The following SLC17A1 variants were observed in gnomAD, a reference collection of about 807,000 sequenced individuals.
The protein encoded by SLC17A1 is sodium-dependent phosphate transport protein 1.
In SLC17A1, 51 loss-of-function variants were observed where a neutral mutation model predicts 53.5. That is an observed-to-expected ratio of 0.95 (90% confidence interval 0.76 to 1.20). The LOEUF is 1.20. Ranked by LOEUF, SLC17A1 falls within the 50% of genes most tolerant of loss-of-function variation. The probability of loss-of-function intolerance (pLI) is 0.00; values close to 1 mark genes in which losing one functional copy is unlikely to be tolerated. For synonymous variants in SLC17A1, 179 were observed against 198.8 expected, an observed-to-expected ratio of 0.90 and a Z score of 0.84; for missense variants, 538 against 568.2, an observed-to-expected ratio of 0.95 and a Z score of 0.54.
intron 12 of SLC17A1, among the ~76,000 whole-genome samples, chr6:25,783,985 C>T: frequency 1.2e-5 from 1 of 84,742 alleles, no homozygotes; most frequent in South Asian, 5.4e-4. Flanking sequence ...GGGGGAGTGG[C>T]CAAGGTTCTA....
At chr6:25,737,619 C>T in the SLC17A1 span, among the ~76,000 whole-genome samples, 12 of 152,026 alleles carry the variant, frequency 7.9e-5, no homozygotes, top group Non-Finnish European at 1.5e-4. Context: ...GTGGTTACAA[C>T]TGCTATTACA....
chr6:25,818,497 A>T (rs1484091920), intron 6 of SLC17A1, among the ~76,000 whole-genome samples: 1 of 152,206 alleles, frequency 6.6e-6, no homozygotes, highest in Non-Finnish European at 1.5e-5. Context: ...ACTTTGATCA[A>T]GTTACCTAAG....
chr6:25,745,311 G>A, the SLC17A1 span, among the ~76,000 whole-genome samples: 1 of 152,076 alleles, frequency 6.6e-6, no homozygotes, highest in African/African-American at 2.4e-5. Flanking sequence ...TGGTACCATG[G>A]ATTTTATTAA....
chr6:25,725,018 A>AGTTT, the SLC17A1 span, among the ~76,000 whole-genome samples: 37,239 of 141,746 alleles, frequency 0.26, 5,916 homozygotes, highest in East Asian at 0.66. Context: ...TAACCAAATG[A>AGTTT]TTTTTTTTTT....
chr6:25,799,448 G>A (rs1165213), intron 11 of SLC17A1, among the ~76,000 whole-genome samples: 100,547 of 151,826 alleles, frequency 0.66, 35,010 homozygotes, highest in African/African-American at 0.87. Context: ...CTGGTTTATA[G>A]AAGTTAACTA....
chr6:25,777,867 T>G, the SLC17A1 span: 1 of 1,417,262 alleles, frequency 7.1e-7, no homozygotes, highest in Non-Finnish European at 9.9e-7. Flanking sequence ...CTCCCGGGTA[T>G]TGAGACTTTC....
chr6:25,738,712 A>G, the SLC17A1 span, among the ~76,000 whole-genome samples: 13 of 152,222 alleles, frequency 8.5e-5, no homozygotes, highest in African/African-American at 2.9e-4. Context: ...ATCCCAGTAA[A>G]AAATGAACAA....
intron 12 of SLC17A1, among the ~76,000 whole-genome samples, chr6:25,786,223 A>C (rs1268416544): frequency 3.3e-5 from 5 of 152,268 alleles, no homozygotes; most frequent in African/African-American, 1.2e-4. Flanking sequence ...TCAGTCACAG[A>C]CATATTATGT....
chr6:25,763,227 T>A, the SLC17A1 span, among the ~76,000 whole-genome samples: 1 of 152,348 alleles, frequency 6.6e-6, no homozygotes, highest in African/African-American at 2.4e-5. Flanking sequence ...CACTCCAGGC[T>A]ATAGCTGTAT....
chr6:25,789,687 T>G (rs1763459574), intron 12 of SLC17A1, among the ~76,000 whole-genome samples: 1 of 152,158 alleles, frequency 6.6e-6, no homozygotes, highest in Non-Finnish European at 1.5e-5. Flanking sequence ...ACTGGGGAAC[T>G]TCTACAAAAT....
At chr6:25,748,533 G>C in the SLC17A1 span, among the ~76,000 whole-genome samples, 1 of 152,146 alleles carries the variant, frequency 6.6e-6, no homozygotes, top group South Asian at 2.1e-4. Flanking sequence ...CGTCAGGTGG[G>C]ACGAGAGACT....
intron 2 of SLC17A1, among the ~76,000 whole-genome samples, chr6:25,830,011 A>G (rs540952227): frequency 2.6e-5 from 4 of 152,204 alleles, no homozygotes; most frequent in Non-Finnish European, 5.9e-5. Flanking sequence ...AAAGTATACA[A>G]TCTATCGCTC....
Position 25,799,268 on chromosome 6 carries a change from TATAG to T in SLC17A1, c.1270-353_1270-350del, listed in dbSNP as rs1263469611. Among the ~76,000 whole-genome samples the T allele has an allele frequency of 3.3e-5, 5 of 152,328 alleles. No homozygotes were observed. In the East Asian group the frequency reaches 5.8e-4, roughly 18 times the overall value. On this transcript the variant is annotated intron_variant, in intron 11 of 12. Coordinates refer to ENST00000244527, the MANE Select transcript of SLC17A1 (RefSeq NM_005074.5). ...CATATTATTGTATCCTGTAAGCTTA[TATAG>T]ATAAAGAGTGTCTTCATATTTTAAT...
chr6:25,726,378 CA>C, the SLC17A1 span: 1 of 1,614,170 alleles, frequency 6.2e-7, no homozygotes, highest in South Asian at 1.1e-5. Context: ...CCGCCAAATA[CA>C]CTGGTGCGCC....
chr6:25,742,263 A>G, the SLC17A1 span, among the ~76,000 whole-genome samples: 1 of 152,200 alleles, frequency 6.6e-6, no homozygotes, highest in Non-Finnish European at 1.5e-5. Context: ...GTATTGACCA[A>G]TCAGAACTAA....
At chr6:25,746,726 T>C in the SLC17A1 span, among the ~76,000 whole-genome samples, 87 of 152,304 alleles carry the variant, frequency 5.7e-4, no homozygotes, top group Non-Finnish European at 8.1e-4. Flanking sequence ...AGTCCTAGTA[T>C]AATAGCTAGC....
chr6:25,734,059 G>A, the SLC17A1 span, among the ~76,000 whole-genome samples: 4 of 151,918 alleles, frequency 2.6e-5, no homozygotes, highest in Non-Finnish European at 5.9e-5. Flanking sequence ...CAGTTGATCC[G>A]CCCACCTGAG....
At chr6:25,828,447 A>G (rs575142929) in intron 2 of SLC17A1, among the ~76,000 whole-genome samples, 1 of 152,246 alleles carries the variant, frequency 6.6e-6, no homozygotes, top group South Asian at 2.1e-4. Flanking sequence ...TTTTATATCT[A>G]TTGAGATAAT....
At chr6:25,735,341 A>T in the SLC17A1 span, among the ~76,000 whole-genome samples, 1 of 152,242 alleles carries the variant, frequency 6.6e-6, no homozygotes, top group Non-Finnish European at 1.5e-5. Flanking sequence ...ACTTGGTGTT[A>T]AAGCCCAGAA....
Sources: allele counts gnomAD v4.1 joint callset (sites outside exome capture counted in the v4.1 genomes callset), GRCh38; gene constraint gnomAD v4.1.1; transcripts MANE v1.5; gene names NCBI Gene and HGNC (gene_info 2026-07-23, HGNC 2026-07-21).